TMPRSS15: variants seen among roughly 807,000 people sequenced by gnomAD.
TMPRSS15 encodes the protein enteropeptidase.
A neutral mutation model predicts 125.3 loss-of-function variants in TMPRSS15; 128 were observed. That is an observed-to-expected ratio of 1.02 (90% CI 0.89 to 1.18). The LOEUF (loss-of-function observed/expected upper bound fraction) is 1.18. Ranked by LOEUF, TMPRSS15 falls within the 50% of genes most tolerant of loss-of-function variation. TMPRSS15 has a pLI of 0.00. For missense variants in TMPRSS15, 1,283 were observed against 1,212.7 expected, an observed-to-expected ratio of 1.06 and a Z score of -0.86; for synonymous variants, 446 against 423.2, an observed-to-expected ratio of 1.05 and a Z score of -0.66.
At chr21:18,294,481 T>C in intron 20 of TMPRSS15, 37 bp from the exon 21 acceptor site, 1 of 1,613,640 alleles carries the variant, frequency 6.2e-7, no homozygotes, top group Middle Eastern at 1.7e-4. Flanking sequence ...TCTATTTCAT[T>C]TTTGGCATTT....
intron 1 of TMPRSS15, among the ~76,000 whole-genome samples, chr21:18,469,409 A>G (rs111852215): frequency 5.3e-5 from 8 of 152,236 alleles, no homozygotes; most frequent in African/African-American, 1.7e-4. Context: ...TTTTTGTCAC[A>G]AAAGAATTAC....
At chr21:18,282,221 G>T (rs1371646224) in intron 21 of TMPRSS15, among the ~76,000 whole-genome samples, 1 of 151,388 alleles carries the variant, frequency 6.6e-6, no homozygotes, top group Non-Finnish European at 1.5e-5. Context: ...ATTGGTAAAG[G>T]ATAACACTTG....
intron 10 of TMPRSS15, 22 bp from the exon 11 acceptor site, chr21:18,344,082 T>A (rs78573401): frequency 0.06 from 93,989 of 1,572,534 alleles, 3,164 homozygotes; most frequent in Middle Eastern, 0.098. Flanking sequence ...TCAAAAAAAA[T>A]TTATTTCACT....
intron 1 of TMPRSS15, among the ~76,000 whole-genome samples, chr21:18,420,864 G>A (rs1023559607): frequency 6.6e-5 from 10 of 152,096 alleles, no homozygotes; most frequent in Non-Finnish European, 1.3e-4. Flanking sequence ...ACCCCAAGAA[G>A]TATCTAGGGA....
intron 19 of TMPRSS15, among the ~76,000 whole-genome samples, chr21:18,296,300 G>C (rs990658502): frequency 1.3e-5 from 2 of 152,152 alleles, no homozygotes; most frequent in Non-Finnish European, 1.5e-5. Flanking sequence ...AGTTTTCATA[G>C]GGATACAAAC....
rs1569024428 is a variant in TMPRSS15 at position 18,348,223 on chromosome 21, T to A, written c.1172-4163A>T. ...GCCCCAGAAAATTGAATACACTTTG[T>A]TTACTTAAGCTTGTAATGATCTCTT... On this transcript the variant is annotated intron_variant, in intron 10 of 24. Coordinates refer to ENST00000284885, the MANE Select transcript of TMPRSS15 (RefSeq NM_002772.3). Among the ~76,000 whole-genome samples, 4 of 151,960 alleles carry A rather than the reference T, an allele frequency of 2.6e-5. No individual in the cohort carries two copies. The South Asian group carries it at 8.3e-4, about 31-fold the overall frequency.
At position 18,414,522 on chromosome 21, in the gene TMPRSS15, G is replaced by T. The variant is rs941229365; in HGVS notation, c.11-16193C>A. On this transcript the variant is annotated intron_variant, in intron 1 of 7. Coordinates refer to the TMPRSS15 transcript ENST00000422787. Reference sequence around the variant, plus strand: ...TCGAATTCTTCATTTGCCCAACTCTGCAGCCCTTGGCAATCATTATTGTAT... The same window carrying T: ...TCGAATTCTTCATTTGCCCAACTCTTCAGCCCTTGGCAATCATTATTGTAT... 3.9e-5 allele frequency among the ~76,000 whole-genome samples: 6 copies of T among 152,002 alleles called. No individual in the cohort carries two copies. In the East Asian group the frequency reaches 1.2e-3, roughly 29 times the overall value.
rs1408156983 is a variant in TMPRSS15 at position 18,396,792 on chromosome 21, A to AAAATCTATCTGTCTG, written c.344+1086_344+1087insCAGACAGATAGATTT. Among the ~76,000 whole-genome samples the AAAATCTATCTGTCTG allele has an allele frequency of 5.3e-5, 6 of 112,790 alleles. 1 individual carries two copies. The highest frequency in any genetic ancestry group is 2.1e-4 in the African/African-American group (6 of 29,210). The allele number at this position is 112,790 out of a possible 152,430, so 74.0% of individuals were successfully genotyped here. A position where few individuals can be genotyped will look rare whatever the true frequency, so the allele number is the denominator to read the frequency against. ...CTGTCTCAAAAAAAAAAAAAAAAAA[A>AAAATCTATCTGTCTG]TCTGTCTGTCTGTCTGTCTATCTAT... On this transcript the variant is annotated intron_variant, in intron 3 of 24. Transcript: ENST00000284885.
At chr21:18,399,588 C>T (rs2123131059) in intron 1 of TMPRSS15, among the ~76,000 whole-genome samples, 1 of 152,084 alleles carries the variant, frequency 6.6e-6, no homozygotes, top group South Asian at 2.1e-4. Context: ...GGATCTTAAG[C>T]TGGTAAAGGG....
chr21:18,332,257 T>C, intron 13 of TMPRSS15, 84 bp from the exon 14 acceptor site: 1 of 1,222,496 alleles, frequency 8.2e-7, no homozygotes, highest in South Asian at 1.2e-5. Flanking sequence ...AATTTTCAAT[T>C]ACATTTCTTA....
Position 18,315,225 on chromosome 21 carries a change from T to C in TMPRSS15, c.1953A>G (p.Lys651=). The C allele has an allele frequency of 6.2e-7, 1 of 1,613,870 alleles. No homozygotes were observed. Among genetic ancestry groups the C allele is most frequent in the Non-Finnish European group, 8.5e-7 (1 of 1,179,986 alleles). ...TCACCAGTGGAACACACTCTCCATT[T>C]TTACATTGAAAATGGTCTGCCTTGC... ...EPCKADHFQC[K]NGECVPLVNL... is the part of the protein sequence containing the mutation. The change falls in exon 17 of 25, where the codon AAA becomes AAG. Residue 651 remains lysine, a synonymous_variant. Coordinates refer to ENST00000284885, the MANE Select transcript of TMPRSS15 (RefSeq NM_002772.3).
At chr21:18,324,941 T>C (rs2075274345) in intron 16 of TMPRSS15, among the ~76,000 whole-genome samples, 1 of 152,164 alleles carries the variant, frequency 6.6e-6, no homozygotes, top group East Asian at 1.9e-4. Flanking sequence ...AACATGGTTA[T>C]AGTATAATCA....
chr21:18,288,727 G>A (rs541976668), intron 21 of TMPRSS15, among the ~76,000 whole-genome samples: 1 of 151,878 alleles, frequency 6.6e-6, no homozygotes, highest in Non-Finnish European at 1.5e-5. Flanking sequence ...TATTTTAGTA[G>A]AGACGGGGTT....
At chr21:18,388,173 T>A (rs1214116779) in intron 3 of TMPRSS15, among the ~76,000 whole-genome samples, 2 of 152,138 alleles carry the variant, frequency 1.3e-5, no homozygotes, top group Non-Finnish European at 2.9e-5. Flanking sequence ...TCTGATTTAA[T>A]GGCAGCTCAG....
chr21:18,347,778 C>G (rs995634567), intron 10 of TMPRSS15, among the ~76,000 whole-genome samples: 6 of 151,982 alleles, frequency 3.9e-5, no homozygotes, highest in African/African-American at 1.5e-4. Flanking sequence ...CTTCTAAAAC[C>G]CTTTGACTTC....
At chr21:18,371,497 T>A (rs1335629193) in intron 6 of TMPRSS15, among the ~76,000 whole-genome samples, 1 of 152,188 alleles carries the variant, frequency 6.6e-6, no homozygotes. Flanking sequence ...TACGTTTAAA[T>A]CAACTAGAGC....
chr21:18,321,447 G>C (rs1009103779), intron 16 of TMPRSS15, among the ~76,000 whole-genome samples: 2 of 141,390 alleles, frequency 1.4e-5, no homozygotes, highest in Admixed American at 1.5e-4. Flanking sequence ...CCACCTCCCG[G>C]GTTCACGCCA....
rs578005499 is a variant in TMPRSS15 at position 18,391,189 on chromosome 21, G to A, written c.344+6690C>T. 3.3e-5 allele frequency among the ~76,000 whole-genome samples: 5 copies of A among 152,232 alleles called. No homozygotes were observed. The East Asian group carries it at 7.7e-4, about 24-fold the overall frequency. ...CCAAATCTCATGCCCTCACATTTCA[G>A]AACACAATCATGCCTTCCCAACAGT... On this transcript the variant is annotated intron_variant, in intron 3 of 24. Transcript: ENST00000284885.
chr21:18,366,192 G>A (rs138666453), intron 6 of TMPRSS15, among the ~76,000 whole-genome samples: 1 of 152,136 alleles, frequency 6.6e-6, no homozygotes, highest in African/African-American at 2.4e-5. Flanking sequence ...TTGGAGCTAG[G>A]TGAATTTCAA....
Sources: allele counts gnomAD v4.1 joint callset (sites outside exome capture counted in the v4.1 genomes callset), GRCh38; gene constraint gnomAD v4.1.1; transcripts MANE v1.5; gene names NCBI Gene and HGNC (gene_info 2026-07-23, HGNC 2026-07-21).